WWC1: variants seen among roughly 807,000 people sequenced by gnomAD.
WWC1 encodes WW and C2 domain containing 1, also known as protein KIBRA.
In WWC1, 55 loss-of-function variants were observed where a neutral mutation model predicts 138.4. That is an observed-to-expected ratio of 0.40 (90% CI 0.32 to 0.50). The LOEUF (loss-of-function observed/expected upper bound fraction) is 0.50, where lower values mean the gene tolerates loss of function less well. Among genes scored for constraint, WWC1 ranks in the 20% least tolerant of loss-of-function variants. WWC1 has a pLI of 0.72. For synonymous variants in WWC1, 524 were observed against 564.9 expected, an observed-to-expected ratio of 0.93 and a Z score of 1.03; for missense variants, 1,226 against 1,420.4, an observed-to-expected ratio of 0.86 and a Z score of 2.20.
intron 1 of WWC1, among the ~76,000 whole-genome samples, chr5:168,321,534 C>CTT (rs575822782): frequency 4.1e-4 from 57 of 137,772 alleles, no homozygotes; most frequent in East Asian, 2.7e-3. Context: ...GGGCAATATC[C>CTT]TTTTTTTTTT....
intron 2 of WWC1, among the ~76,000 whole-genome samples, chr5:168,384,183 G>C (rs1561686847): frequency 6.6e-6 from 1 of 151,972 alleles, no homozygotes; most frequent in Non-Finnish European, 1.5e-5. Flanking sequence ...GTGTGACTTT[G>C]AGCAAGTTAC....
At chr5:168,378,404 T>C (rs1172427048) in intron 2 of WWC1, among the ~76,000 whole-genome samples, 1 of 152,100 alleles carries the variant, frequency 6.6e-6, no homozygotes, top group Non-Finnish European at 1.5e-5. Context: ...AGGTACCCCC[T>C]GAATCTAAAA....
At chr5:168,400,016 C>T (rs17070123) in intron 5 of WWC1, among the ~76,000 whole-genome samples, 5,313 of 152,208 alleles carry the variant, frequency 0.035, 325 homozygotes, top group African/African-American at 0.12. Context: ...TCTCTTCTAG[C>T]AAAAACCAAT....
rs10527141 is a variant in WWC1, at chr5:168,465,548, C to CTTTTTTTTTTTTTTTTTTTT, written c.3150+595_3150+614dup. On this transcript the variant is annotated intron_variant, in intron 21 of 22. Transcript: ENST00000265293. The stretch of plus-strand genomic sequence containing the variant: ...CACACAAAGTTTTATATCAGCTGGG[C>CTTTTTTTTTTTTTTTTTTTT]TTTTTTTTTTTTTTTTTTTTTTTTT... Among the ~76,000 whole-genome samples the CTTTTTTTTTTTTTTTTTTTT allele has an allele frequency of 1.4e-3, 64 of 46,950 alleles. 30 individuals are homozygous for CTTTTTTTTTTTTTTTTTTTT. The highest frequency in any genetic ancestry group is 3.0e-3 in the African/African-American group (36 of 11,930). 30.8% of individuals were successfully genotyped at this position (46,950 alleles called of 152,430 possible). A position where few individuals can be genotyped will look rare whatever the true frequency, so the allele number is the denominator to read the frequency against.
intron 1 of WWC1, among the ~76,000 whole-genome samples, chr5:168,324,545 T>G (rs1772379238): frequency 6.6e-6 from 1 of 152,182 alleles, no homozygotes; most frequent in African/African-American, 2.4e-5. Flanking sequence ...AAAAATTTCT[T>G]CATTTCTTTA....
rs77647353 is a variant in WWC1 at position 168,322,620 on chromosome 5, A to G, written c.119+30349A>G. Among the ~76,000 whole-genome samples, 676 of 152,346 alleles carry G rather than the reference A, an allele frequency of 4.4e-3. 6 individuals are homozygous for G. The highest frequency in any genetic ancestry group is 0.015 in the African/African-American group (629 of 41,568). ...AGTAAATACTTGTTAATTTTAATAG[A>G]AATAGTGTTTAGCTGCTGGTAGTAG... On this transcript the variant is annotated intron_variant, in intron 1 of 22. Coordinates refer to ENST00000265293, the MANE Select transcript of WWC1 (RefSeq NM_015238.3).
chr5:168,403,049 TCTTTCTTTCTTTCTTTCTTTCTTTCTTTC>T, intron 5 of WWC1, among the ~76,000 whole-genome samples: 1 of 135,102 alleles, frequency 7.4e-6, no homozygotes, highest in Non-Finnish European at 1.6e-5. Flanking sequence ...TTTCTTTCTT[TCTTTCTTTCTTTCTTTCTTTCTTTCTTTC>T]TTTTCTTTCT....
intron 1 of WWC1, among the ~76,000 whole-genome samples, chr5:168,346,679 G>A (rs1774502755): frequency 6.6e-6 from 1 of 152,220 alleles, no homozygotes; most frequent in Non-Finnish European, 1.5e-5. Flanking sequence ...GTTAGAATTA[G>A]TTAAAAAGTA....
At chr5:168,392,411 G>A (rs994383264) in intron 3 of WWC1, among the ~76,000 whole-genome samples, 4 of 152,198 alleles carry the variant, frequency 2.6e-5, no homozygotes, top group South Asian at 2.1e-4. Context: ...CATATGCTGT[G>A]GCCAGGCGCT....
intron 15 of WWC1, among the ~76,000 whole-genome samples, chr5:168,436,861 C>T (rs1452341106): frequency 6.6e-6 from 1 of 152,166 alleles, no homozygotes; most frequent in Non-Finnish European, 1.5e-5. Context: ...TTTCCCCTTC[C>T]TCTTTTTTCA....
intron 1 of WWC1, among the ~76,000 whole-genome samples, chr5:168,311,971 C>T (rs1430755874): frequency 6.6e-6 from 1 of 151,908 alleles, no homozygotes; most frequent in Non-Finnish European, 1.5e-5. Context: ...ATCTCTTGAA[C>T]CTGGGAGGCA....
At position 168,362,402 on chromosome 5, in the gene WWC1, G is replaced by A. The variant is rs146858391; in HGVS notation, c.120-9022G>A. On this transcript the variant is annotated intron_variant, in intron 1 of 22. Transcript: ENST00000265293. ...GTCCAAGGTCACACAGCTAGAAAATGACAGAGCCTGGATTCAAAGCCAGTG... is the reference window on the plus strand; with the variant it reads ...GTCCAAGGTCACACAGCTAGAAAATAACAGAGCCTGGATTCAAAGCCAGTG... Among the ~76,000 whole-genome samples the A allele has an allele frequency of 1.0e-3, 159 of 152,326 alleles. 1 individual carries two copies. Among genetic ancestry groups the A allele is most frequent in the African/African-American group, 3.7e-3 (155 of 41,570 alleles).
intron 5 of WWC1, among the ~76,000 whole-genome samples, chr5:168,403,020 T>C (rs560354111): frequency 9.0e-6 from 1 of 111,116 alleles, no homozygotes; most frequent in East Asian, 2.5e-4. Flanking sequence ...CTTTCTTTCT[T>C]TCTTTCTTTC....
chr5:168,339,822 CTTTCTTTCTT>C (rs1773831008), intron 1 of WWC1, among the ~76,000 whole-genome samples: 6 of 98,476 alleles, frequency 6.1e-5, no homozygotes, highest in South Asian at 3.9e-4. Flanking sequence ...TTCTTTCTTT[CTTTCTTTCTT>C]TTTCTTTTCT....
At chr5:168,327,374 C>G (rs115907370) in intron 1 of WWC1, among the ~76,000 whole-genome samples, 665 of 152,288 alleles carry the variant, frequency 4.4e-3, no homozygotes, top group African/African-American at 0.015. Flanking sequence ...ATAGTGTGCT[C>G]TAGGGCCCAG....
At chr5:168,352,693 C>G (rs760242630) in intron 1 of WWC1, among the ~76,000 whole-genome samples, 2 of 151,818 alleles carry the variant, frequency 1.3e-5, no homozygotes, top group African/African-American at 2.4e-5. Flanking sequence ...AAGCAATTCT[C>G]CTGCCTTAGC....
intron 3 of WWC1, among the ~76,000 whole-genome samples, chr5:168,392,135 G>T (rs1331551766): frequency 6.6e-6 from 1 of 152,018 alleles, no homozygotes; most frequent in Non-Finnish European, 1.5e-5. Flanking sequence ...TTTTGGAGAG[G>T]GTAAAATAGA....
intron 20 of WWC1, among the ~76,000 whole-genome samples, chr5:168,463,421 G>C (rs1278382461): frequency 6.6e-6 from 1 of 152,200 alleles, no homozygotes; most frequent in Non-Finnish European, 1.5e-5. Context: ...TTTTTGCCCT[G>C]TGACGGTCTC....
At chr5:168,331,402 C>A (rs1183159760) in intron 1 of WWC1, among the ~76,000 whole-genome samples, 1 of 152,190 alleles carries the variant, frequency 6.6e-6, no homozygotes, top group African/African-American at 2.4e-5. Context: ...CAGGACCACC[C>A]TTTGAAAGCT....
Sources: gnomAD v4.1 joint callset for allele counts (sites outside exome capture counted in the v4.1 genomes callset) on GRCh38, gnomAD v4.1.1 for gene constraint, MANE v1.5 for transcripts, NCBI Gene and HGNC (gene_info 2026-07-23, HGNC 2026-07-21) for gene names.